The following EDIL3 variants were observed in gnomAD, a reference collection of about 807,000 sequenced individuals.
EDIL3 encodes EGF like and discoidin domains 3, also known as EGF-like repeat and discoidin I-like domain-containing protein 3.
Under a neutral mutation model 67.4 loss-of-function variants are expected in EDIL3, and 37 were observed. The ratio of observed to expected loss-of-function variants is 0.55; its 90% CI spans 0.42 to 0.72. The LOEUF is 0.72. Among genes scored for constraint, EDIL3 ranks in the 30% least tolerant of loss-of-function variants. The pLI is 0.00. For missense variants in EDIL3, 527 were observed against 586.3 expected (o/e 0.90, Z 1.04); for synonymous variants, 195 against 196.3 (o/e 0.99, Z 0.05).
At chr5:84,066,047 A>T (rs1335406535) in intron 7 of EDIL3, among the ~76,000 whole-genome samples, 2 of 151,374 alleles carry the variant, frequency 1.3e-5, no homozygotes, top group Non-Finnish European at 2.9e-5. Context: ...CCTGGGAGGC[A>T]GAGTTTATAG....
At chr5:84,202,130 G>A (rs998671422) in intron 3 of EDIL3, among the ~76,000 whole-genome samples, 1 of 151,966 alleles carries the variant, frequency 6.6e-6, no homozygotes, top group African/African-American at 2.4e-5. Context: ...AATTTCTTTG[G>A]CCAATAATGC....
chr5:84,187,436 C>T (rs1360054621), intron 3 of EDIL3, among the ~76,000 whole-genome samples: 1 of 152,026 alleles, frequency 6.6e-6, no homozygotes, highest in Non-Finnish European at 1.5e-5. Context: ...GGTTAACATT[C>T]TCCTGTGATA....
intron 5 of EDIL3, among the ~76,000 whole-genome samples, chr5:84,135,159 A>T (rs1340110553): frequency 1.3e-5 from 2 of 151,948 alleles, no homozygotes; most frequent in Middle Eastern, 3.4e-3. Flanking sequence ...GGATATCCAC[A>T]CCCTCATGTG....
chr5:84,340,534 C>CTCTCTA (rs1432966515), intron 1 of EDIL3, among the ~76,000 whole-genome samples: 50 of 54,192 alleles, frequency 9.2e-4, no homozygotes, highest in South Asian at 1.8e-3. Flanking sequence ...CTCTCTCTCT[C>CTCTCTA]TATATATATA....
chr5:84,245,270 T>C (rs1744886217), intron 2 of EDIL3, among the ~76,000 whole-genome samples: 1 of 152,198 alleles, frequency 6.6e-6, no homozygotes, highest in Non-Finnish European at 1.5e-5. Flanking sequence ...TTAAAAAATA[T>C]ATTTGATAGG....
intron 1 of EDIL3, among the ~76,000 whole-genome samples, chr5:84,365,829 T>C (rs1747720715): frequency 4.6e-5 from 7 of 152,184 alleles, no homozygotes. Flanking sequence ...AGATGTTTAT[T>C]GAGGACCTGT....
intron 6 of EDIL3, among the ~76,000 whole-genome samples, chr5:84,087,897 T>G (rs1183557075): frequency 6.6e-6 from 1 of 152,174 alleles, no homozygotes; most frequent in Non-Finnish European, 1.5e-5. Context: ...ATAAATTCAT[T>G]AATTTAAATG....
chr5:84,301,797 T>C (rs145529989), intron 1 of EDIL3, among the ~76,000 whole-genome samples: 2 of 152,182 alleles, frequency 1.3e-5, no homozygotes. Context: ...TAGAACTGAC[T>C]GGTCCAAAGT....
intron 4 of EDIL3, among the ~76,000 whole-genome samples, chr5:84,140,066 G>T (rs923537789): frequency 2.0e-5 from 3 of 152,146 alleles, no homozygotes; most frequent in Non-Finnish European, 2.9e-5. Context: ...ATTTGGAGCA[G>T]GATGAGAAGG....
At chr5:84,132,356 AATATATATT>A (rs1387516167) in intron 5 of EDIL3, among the ~76,000 whole-genome samples, 9 of 30,798 alleles carry the variant, frequency 2.9e-4, no homozygotes, top group East Asian at 9.3e-4. Flanking sequence ...TTTTATACAT[AATATATATT>A]ATATATATTA....
chr5:84,017,625 CTG>C (rs1745630740), intron 9 of EDIL3, among the ~76,000 whole-genome samples: 1 of 152,120 alleles, frequency 6.6e-6, no homozygotes, highest in South Asian at 2.1e-4. Flanking sequence ...TGTATAATAA[CTG>C]TGGGATCTGC....
intron 3 of EDIL3, among the ~76,000 whole-genome samples, chr5:84,218,986 ACCCCTAAGG>A (rs1056316738): frequency 6.6e-6 from 1 of 152,060 alleles, no homozygotes; most frequent in African/African-American, 2.4e-5. Context: ...CTGATTGTAG[ACCCCTAAGG>A]CCTTTAGCAA....
At chr5:84,305,957 T>C (rs1039402349) in intron 1 of EDIL3, among the ~76,000 whole-genome samples, 2 of 152,062 alleles carry the variant, frequency 1.3e-5, no homozygotes, top group African/African-American at 4.8e-5. Context: ...GTGTGCATAT[T>C]GTCCTTACTT....
chr5:83,982,559 G>A (rs1744987976), intron 9 of EDIL3, among the ~76,000 whole-genome samples: 1 of 152,028 alleles, frequency 6.6e-6, no homozygotes, highest in Non-Finnish European at 1.5e-5. Context: ...GGCATAGCAT[G>A]AGGATCACAT....
chr5:84,351,502 T>C lies in EDIL3; in HGVS notation c.67+32806A>G, dbSNP rs543197691. Among the ~76,000 whole-genome samples the C allele has an allele frequency of 2.0e-5, 3 of 152,294 alleles. No individual in the cohort carries two copies. In the South Asian group the frequency reaches 6.2e-4, roughly 32 times the overall value. ...TCCTTTCAGGGATCATTGCTGACGATAAGCTAGGTGGCCCTGAGAAAGTCA... is the reference window on the plus strand; with the variant it reads ...TCCTTTCAGGGATCATTGCTGACGACAAGCTAGGTGGCCCTGAGAAAGTCA... On this transcript the variant is annotated intron_variant, in intron 1 of 10. Transcript: ENST00000296591.
chr5:83,967,583 C>T (rs1168087129), intron 9 of EDIL3, among the ~76,000 whole-genome samples: 1 of 151,996 alleles, frequency 6.6e-6, no homozygotes, highest in African/African-American at 2.4e-5. Flanking sequence ...TGTTGTAAAA[C>T]ATCCTGTAAT....
intron 1 of EDIL3, among the ~76,000 whole-genome samples, chr5:84,381,715 C>G (rs1159653618): frequency 6.6e-6 from 1 of 152,320 alleles, no homozygotes; most frequent in African/African-American, 2.4e-5. Flanking sequence ...GGCACAGGGA[C>G]AGATTGCATA....
In EDIL3 at chr5:83,943,447, T is replaced by C; in HGVS notation, c.1415A>G (p.Glu472Gly). 1 of 1,612,714 alleles carries C rather than the reference T, an allele frequency of 6.2e-7. No homozygotes were observed. The highest frequency in any genetic ancestry group is 8.5e-7 in the Non-Finnish European group (1 of 1,179,176). ...SWYGRITLRS[E>G]LLGCTEEE ...TTCCTCCTCTGTGCAGCCCAGCAGC[T>C]CTGACCGCAATGTGATCCTCCCGTA... The change falls in exon 11 of 11, where the codon GAG becomes GGG. Residue 472 changes from glutamate (E) to glycine (G), a missense_variant. By Grantham distance (98) the Glu-to-Gly change is moderately conservative. This residue lies in a region of EDIL3 where 33 missense variants were observed against 63.7 expected (regional missense o/e 0.52). Transcript: ENST00000296591.
At chr5:84,000,073 G>T (rs1210252038) in intron 9 of EDIL3, among the ~76,000 whole-genome samples, 1 of 151,638 alleles carries the variant, frequency 6.6e-6, no homozygotes, top group Non-Finnish European at 1.5e-5. Context: ...ACATGAAGGA[G>T]AAATAAAGAC....
Sources: gnomAD v4.1 joint callset for allele counts (sites outside exome capture counted in the v4.1 genomes callset) on GRCh38, gnomAD v4.1.1 for gene constraint, gnomAD v4.1.1 regional missense constraint, MANE v1.5 for transcripts, NCBI Gene and HGNC (gene_info 2026-07-23, HGNC 2026-07-21) for gene names.